Variants in NF1 observed in about 807,000 individuals in gnomAD.
NF1 encodes the protein neurofibromin.
In NF1, 122 loss-of-function variants were observed where a neutral mutation model predicts 325.7. That is an observed-to-expected ratio of 0.37 (90% CI 0.32 to 0.44). NF1 has a LOEUF of 0.44. NF1 is among the 20% of genes least tolerant of loss of function. The pLI, the probability that NF1 is intolerant of heterozygous loss-of-function variation, is 1.00. For synonymous variants in NF1, 1,091 were observed against 1,186.0 expected (o/e 0.92, Z 1.65); for missense variants, 2,140 against 3,415.4 (o/e 0.63, Z 9.31).
chr17:31,129,233 A>G (rs867860107), intron 1 of NF1, among the ~76,000 whole-genome samples: 4 of 152,094 alleles, frequency 2.6e-5, no homozygotes, highest in Non-Finnish European at 4.4e-5. Context: ...ATGTTTTCCA[A>G]GTTGCTGCCT....
chr17:31,101,215 T>C (rs963944793), intron 1 of NF1, among the ~76,000 whole-genome samples: 7 of 152,048 alleles, frequency 4.6e-5, no homozygotes, highest in Non-Finnish European at 1.0e-4. Flanking sequence ...GGTCATTGCT[T>C]AGTTGTAATG....
chr17:31,372,721 T>C (rs916418359), intron 57 of NF1, among the ~76,000 whole-genome samples: 1 of 152,158 alleles, frequency 6.6e-6, no homozygotes, highest in Non-Finnish European at 1.5e-5. Flanking sequence ...AGATTATTTA[T>C]AATATTAATT....
rs202244174 is a variant in NF1, at chr17:31,169,554, G to GT, written c.480-329dup. Among the ~76,000 whole-genome samples, 907 of 151,306 alleles carry GT rather than the reference G, an allele frequency of 6.0e-3. 7 individuals are homozygous for GT. Among genetic ancestry groups the GT allele is most frequent in the African/African-American group, 0.021 (873 of 41,236 alleles). On this transcript the variant is annotated intron_variant, in intron 4 of 57. Coordinates refer to ENST00000358273, the MANE Select transcript of NF1 (RefSeq NM_001042492.3). ...ATACCCGAAGACTTTTTTTGTTTTT[G>GT]TTTTTTTTAAGAGATAGGGCCCACT...
chr17:31,168,486 G>A (rs2065880387), intron 4 of NF1, among the ~76,000 whole-genome samples: 1 of 152,044 alleles, frequency 6.6e-6, no homozygotes, highest in Non-Finnish European at 1.5e-5. Context: ...TTTGGAATTG[G>A]TTGATATTTC....
At chr17:31,310,058 A>AC (rs1303074544) in intron 36 of NF1, among the ~76,000 whole-genome samples, 1 of 152,150 alleles carries the variant, frequency 6.6e-6, no homozygotes, top group Non-Finnish European at 1.5e-5. Context: ...GAAAAAACTG[A>AC]CTTTTTTCCC....
At chr17:31,280,345 T>A (rs904987349) in intron 36 of NF1, among the ~76,000 whole-genome samples, 1 of 151,406 alleles carries the variant, frequency 6.6e-6, no homozygotes, top group African/African-American at 2.4e-5. Flanking sequence ...AAAACCCGTC[T>A]CTACTAAAGA....
At chr17:31,359,117 A>G in intron 56 of NF1, 102 bp downstream of exon 56, 2 of 940,448 alleles carry the variant, frequency 2.1e-6, no homozygotes, top group Non-Finnish European at 3.3e-6. Context: ...AACCAGAAAA[A>G]TAATTCACAA....
chr17:31,273,389 C>T (rs2067940866), intron 36 of NF1, among the ~76,000 whole-genome samples: 1 of 152,104 alleles, frequency 6.6e-6, no homozygotes, highest in African/African-American at 2.4e-5. Context: ...AAAACCAACT[C>T]CTTCATTTTG....
chr17:31,157,177 C>T (rs977478097), intron 2 of NF1, among the ~76,000 whole-genome samples: 4 of 151,974 alleles, frequency 2.6e-5, no homozygotes, highest in South Asian at 4.2e-4. Flanking sequence ...TTAGTAGAGA[C>T]GAGGTTTCAC....
At chr17:31,292,383 G>T (rs963590040) in intron 36 of NF1, among the ~76,000 whole-genome samples, 2 of 152,110 alleles carry the variant, frequency 1.3e-5, no homozygotes, top group African/African-American at 4.8e-5. Flanking sequence ...TTAATAATAA[G>T]AATATAATTT....
chr17:31,104,531 C>T (rs1912673965), intron 1 of NF1, among the ~76,000 whole-genome samples: 1 of 152,112 alleles, frequency 6.6e-6, no homozygotes, highest in Non-Finnish European at 1.5e-5. Flanking sequence ...AAAGGATTGA[C>T]TTGTATTTAT....
At chr17:31,329,368 T>A (rs556321562) in intron 38 of NF1, among the ~76,000 whole-genome samples, 1 of 152,316 alleles carries the variant, frequency 6.6e-6, no homozygotes, top group South Asian at 2.1e-4. Flanking sequence ...CTCTGACAGC[T>A]TCTGCTTTTT....
At chr17:31,261,941 T>C (rs2151466789) in intron 35 of NF1, 84 bp downstream of exon 35, 1 of 1,339,016 alleles carries the variant, frequency 7.5e-7, no homozygotes, top group Non-Finnish European at 1.1e-6. Flanking sequence ...TTAGATATGA[T>C]AGAAGACTAT....
intron 49 of NF1, among the ~76,000 whole-genome samples, chr17:31,349,947 A>G (rs549796738): frequency 1.3e-5 from 2 of 152,362 alleles, no homozygotes; most frequent in African/African-American, 4.8e-5. Context: ...ATTCAGCTTA[A>G]TAATACCTGC....
At chr17:31,337,714 T>C (rs141577441) in intron 43 of NF1, 105 bp from the exon 44 acceptor site, 1 of 1,401,894 alleles carries the variant, frequency 7.1e-7, no homozygotes, top group African/African-American at 1.4e-5. Flanking sequence ...TTGCATGGAC[T>C]GTGTTATTGG....
chr17:31,190,506 A>T (rs2066324551), intron 8 of NF1, among the ~76,000 whole-genome samples: 2 of 152,320 alleles, frequency 1.3e-5, no homozygotes, highest in South Asian at 4.1e-4. Flanking sequence ...AAAATAGTTG[A>T]TAGAGATCTG....
intron 1 of NF1, among the ~76,000 whole-genome samples, chr17:31,116,025 T>C (rs17882783): frequency 1.3e-5 from 2 of 152,234 alleles, no homozygotes; most frequent in Non-Finnish European, 2.9e-5. Flanking sequence ...TGTAGACTTA[T>C]GACAGCTATA....
intron 8 of NF1, among the ~76,000 whole-genome samples, chr17:31,184,074 CTTAG>C (rs1017829532): frequency 2.6e-5 from 4 of 152,016 alleles, no homozygotes; most frequent in South Asian, 2.1e-4. Flanking sequence ...GATGGAGTTT[CTTAG>C]TTTGTTTGGG....
chr17:31,336,503 A>G lies in NF1; in HGVS notation c.6147+30A>G. 4 of 1,613,728 alleles carry G rather than the reference A, an allele frequency of 2.5e-6. No homozygotes were observed. Among genetic ancestry groups the G allele is most frequent in the Non-Finnish European group, 2.5e-6 (3 of 1,179,808 alleles). On this transcript the variant is annotated intron_variant, in intron 41 of 57. Transcript: ENST00000358273. The surrounding 1 kb of genome is among the most constrained non-coding windows in gnomAD (Gnocchi z 5.5). Reference sequence around the variant, plus strand: ...TCACTTTTCTTTTGCCTTCTGTACTATAGCATATCTGTTTTATCATCAGGA... The same window carrying G: ...TCACTTTTCTTTTGCCTTCTGTACTGTAGCATATCTGTTTTATCATCAGGA...
Sources: gnomAD v4.1 joint callset for allele counts (sites outside exome capture counted in the v4.1 genomes callset) on GRCh38, gnomAD v4.1.1 for gene constraint, Gnocchi (gnomAD v3.1) non-coding constraint, MANE v1.5 for transcripts, NCBI Gene and HGNC (gene_info 2026-07-23, HGNC 2026-07-21) for gene names.